Variants in OGG1 observed in about 807,000 individuals in gnomAD.
OGG1 encodes the protein 8-oxoguanine DNA glycosylase, also known as N-glycosylase/DNA lyase.
A neutral mutation model predicts 42.3 loss-of-function variants in OGG1; 35 were observed. The ratio of observed to expected loss-of-function variants is 0.83; its 90% CI spans 0.63 to 1.10. The LOEUF is 1.10. OGG1 is among the 50% of genes least tolerant of loss of function. The pLI is 0.00. For synonymous variants in OGG1, 189 were observed against 179.0 expected (o/e 1.06, Z -0.44); for missense variants, 484 against 446.7 (o/e 1.08, Z -0.75).
intron 2 of OGG1, among the ~76,000 whole-genome samples, chr3:9,777,098 G>A (rs961360278): frequency 3.9e-5 from 6 of 152,104 alleles, no homozygotes; most frequent in African/African-American, 1.4e-4. Flanking sequence ...ACAGGGGCTG[G>A]GGACCCACTG....
chr3:9,787,680 C>T (rs949990787), intron 3 of OGG1: 111 of 1,348,838 alleles, frequency 8.2e-5, no homozygotes, highest in Non-Finnish European at 1.1e-4. Flanking sequence ...AGGGAATTAC[C>T]TTTTGTATTG....
At chr3:9,780,601 AC>A in intron 2 of OGG1, 1 of 1,523,722 alleles carries the variant, frequency 6.6e-7, no homozygotes, top group Non-Finnish European at 8.8e-7. Flanking sequence ...CCAGAGAACA[AC>A]CCCTCCCTCT....
At chr3:9,765,278 G>T (rs1267356068) in intron 7 of OGG1, among the ~76,000 whole-genome samples, 1 of 151,998 alleles carries the variant, frequency 6.6e-6, no homozygotes, top group East Asian at 1.9e-4. Context: ...TCAGGGGAGA[G>T]ATTGGAAGTG....
downstream of OGG1, among the ~76,000 whole-genome samples, chr3:9,788,497 G>A (rs528905581): frequency 5.3e-5 from 8 of 149,908 alleles, no homozygotes; most frequent in East Asian, 7.9e-4. Flanking sequence ...TGCCCGCCTC[G>A]GCCTCCCAAA....
chr3:9,779,548 C>G (rs1470391101), intron 2 of OGG1, among the ~76,000 whole-genome samples: 1 of 151,956 alleles, frequency 6.6e-6, no homozygotes, highest in Non-Finnish European at 1.5e-5. Flanking sequence ...GGAGATATAC[C>G]TAATGTAAAT....
exon 3 of OGG1, chr3:9,781,587 G>A: frequency 2.2e-6 from 1 of 456,532 alleles, no homozygotes; most frequent in Non-Finnish European, 4.4e-6. Context: ...TAGGCAGCCT[G>A]AGGCTGACAG....
intron 3 of OGG1, among the ~76,000 whole-genome samples, chr3:9,786,469 G>A (rs540334896): frequency 6.6e-6 from 1 of 151,926 alleles, no homozygotes; most frequent in South Asian, 2.1e-4. Flanking sequence ...AGAGTGTGAG[G>A]GTGTGTCTAA....
At chr3:9,766,240 G>T in exon 8 of OGG1, 1 of 715,374 alleles carries the variant, frequency 1.4e-6, no homozygotes, top group Non-Finnish European at 2.5e-6. Context: ...TTAACACAAA[G>T]GAAGTCCAAC....
chr3:9,779,901 C>T (rs565063105), intron 2 of OGG1: 4 of 153,010 alleles, frequency 2.6e-5, no homozygotes, highest in East Asian at 1.9e-4. Flanking sequence ...GCATACCCCC[C>T]ACAAACCTTA....
rs1310854701 is a variant in OGG1, at chr3:9,764,611, G to GTTTTTT, written c.1049-1193_1049-1192insTTTTTT. On this transcript the variant is annotated intron_variant, in intron 7 of 7. Transcript: ENST00000302008. ...ACAGGCGTGAGCCACTGCGCCTGGC[G>GTTTTTT]TTTTTGTTTTTTTTTTGTTTTTTTT... 2.8e-4 allele frequency among the ~76,000 whole-genome samples: 35 copies of GTTTTTT among 125,132 alleles called. 3 individuals carry two copies. Among genetic ancestry groups the GTTTTTT allele is most frequent in the East Asian group, 6.2e-4 (2 of 3,246 alleles). 82.1% of individuals were successfully genotyped at this position (125,132 alleles called of 152,430 possible). A position where few individuals can be genotyped will look rare whatever the true frequency, so the allele number is the denominator to read the frequency against.
At chr3:9,789,467 C>A (rs1288329511), downstream of OGG1, 1 of 1,579,564 alleles carries the variant, frequency 6.3e-7, no homozygotes, top group Admixed American at 1.7e-5. Flanking sequence ...CCTCTGAACT[C>A]TCTTGTTCCG....
At chr3:9,750,468 T>C (rs1575180432) in intron 1 of OGG1, 45 bp downstream of exon 1, 1 of 1,611,156 alleles carries the variant, frequency 6.2e-7, no homozygotes, top group South Asian at 1.1e-5. Context: ...GACTGGCTCC[T>C]GCCGCCTCAA....
At chr3:9,758,712 C>T, downstream of OGG1, 1 of 196,374 alleles carries the variant, frequency 5.1e-6, no homozygotes, top group East Asian at 1.4e-4. Flanking sequence ...TCACTGCAAC[C>T]CCCATCTCCG....
intron 7 of OGG1, chr3:9,763,094 C>A (rs1343315757): frequency 1.2e-6 from 2 of 1,613,960 alleles, no homozygotes; most frequent in African/African-American, 2.7e-5. Flanking sequence ...AGGGTTGGGA[C>A]AGCTGGGAGA....
chr3:9,756,630 A>G lies in OGG1; in HGVS notation c.898+9A>G, dbSNP rs1183369121. On this transcript the variant is annotated intron_variant, in intron 5 of 6. Transcript: ENST00000344629. ...GACCAACAAGGAACTGGGTGAGGAA[A>G]GTGGGCTGCAGGGGCTGGCAGTGGG... The G allele has an allele frequency of 2.5e-6, 4 of 1,612,608 alleles. No individual in the cohort carries two copies. Among genetic ancestry groups the G allele is most frequent in the Non-Finnish European group, 3.4e-6 (4 of 1,178,644 alleles).
downstream of OGG1, among the ~76,000 whole-genome samples, chr3:9,789,302 G>A (rs983908489): frequency 2.0e-5 from 3 of 152,186 alleles, no homozygotes; most frequent in African/African-American, 7.2e-5. Context: ...GCTTGAGGGC[G>A]TGTTGACATT....
downstream of OGG1, chr3:9,789,883 G>T (rs775072173): frequency 5.0e-6 from 8 of 1,614,152 alleles, no homozygotes; most frequent in East Asian, 6.7e-5. Context: ...TCCCATGTTT[G>T]GGGGGAGCTC....
intron 7 of OGG1, among the ~76,000 whole-genome samples, chr3:9,763,469 C>A (rs906062733): frequency 1.3e-5 from 2 of 151,758 alleles, no homozygotes; most frequent in African/African-American, 4.8e-5. Context: ...AACCCCCGAC[C>A]ACTGCCTACA....
exon 8 of OGG1, chr3:9,766,041 A>AT (rs2078138686): frequency 6.2e-7 from 1 of 1,605,198 alleles, no homozygotes; most frequent in Non-Finnish European, 8.5e-7. Flanking sequence ...GGCTCCAGAG[A>AT]TGGTCACATG....
Sources: gnomAD v4.1 joint callset for allele counts (sites outside exome capture counted in the v4.1 genomes callset) on GRCh38, gnomAD v4.1.1 for gene constraint, MANE v1.5 for transcripts, NCBI Gene and HGNC (gene_info 2026-07-23, HGNC 2026-07-21) for gene names.